The following DAPK2 variants were observed in gnomAD, a reference collection of about 807,000 sequenced individuals.
DAPK2 encodes the protein death associated protein kinase 2.
Under a neutral mutation model 44.1 loss-of-function variants are expected in DAPK2, and 35 were observed. The ratio of observed to expected loss-of-function variants is 0.79; its 90% confidence interval spans 0.61 to 1.05. DAPK2 has a LOEUF of 1.05. Ranked by LOEUF, DAPK2 falls within the 50% of genes least tolerant of loss-of-function variation. The pLI is 0.00. For synonymous variants in DAPK2, 174 were observed against 182.6 expected (o/e 0.95, Z 0.38); for missense variants, 453 against 483.2 (o/e 0.94, Z 0.59).
At chr15:64,045,298 C>T (rs547788612) in intron 1 of DAPK2, among the ~76,000 whole-genome samples, 1 of 152,316 alleles carries the variant, frequency 6.6e-6, no homozygotes, top group Admixed American at 6.5e-5. Context: ...CAAAAAACAT[C>T]TTGGGAGATG....
chr15:64,035,486 T>C (rs886735691), intron 1 of DAPK2, among the ~76,000 whole-genome samples: 2 of 152,184 alleles, frequency 1.3e-5, no homozygotes, highest in Non-Finnish European at 2.9e-5. Flanking sequence ...GTAATGACTT[T>C]GTGTTTTGTG....
chr15:64,024,324 G>A (rs1311486646), intron 1 of DAPK2, among the ~76,000 whole-genome samples: 1 of 152,184 alleles, frequency 6.6e-6, no homozygotes, highest in Non-Finnish European at 1.5e-5. Context: ...TCCTCGAGTT[G>A]CAAGGGCCTA....
At chr15:63,991,306 C>T (rs914295514) in intron 1 of DAPK2, 4 of 456,296 alleles carry the variant, frequency 8.8e-6, no homozygotes, top group African/African-American at 8.0e-5. Flanking sequence ...GCAGCAAAGT[C>T]AGCAGCAGGT....
intron 1 of DAPK2, among the ~76,000 whole-genome samples, chr15:64,003,003 TG>T: frequency 2.7e-5 from 4 of 150,154 alleles, no homozygotes; most frequent in Non-Finnish European, 4.4e-5. Flanking sequence ...TGTGTGTGTG[TG>T]TGTGTGTGTG....
intron 10 of DAPK2, chr15:63,909,353 G>A (rs2078725324): frequency 6.8e-6 from 1 of 147,188 alleles, no homozygotes; most frequent in Non-Finnish European, 1.5e-5. Context: ...TTTTTTTTAA[G>A]GAAAGTCCCT....
In DAPK2 at chr15:63,912,061, C is replaced by A. The variant is rs374641253; in HGVS notation, c.948+47G>T. The A allele has an allele frequency of 1.3e-6, 2 of 1,579,674 alleles. No individual in the cohort carries two copies. Among genetic ancestry groups the A allele is most frequent in the East Asian group, 2.3e-5 (1 of 43,222 alleles). On this transcript the variant is annotated intron_variant, in intron 9 of 10. Transcript: ENST00000261891. This position sits in a 1 kb window ranked among gnomAD's most constrained non-coding sequence, Gnocchi z 4.4. Reference sequence around the variant, plus strand: ...GGAGACCCTGGAGAGCCAGAAACCCCGCCCTAGCCCCCACCCTGTCCCCCG... The same window carrying A: ...GGAGACCCTGGAGAGCCAGAAACCCAGCCCTAGCCCCCACCCTGTCCCCCG...
intron 1 of DAPK2, among the ~76,000 whole-genome samples, chr15:64,035,901 T>C (rs7175390): frequency 0.2 from 30,059 of 152,058 alleles, 3,048 homozygotes; most frequent in South Asian, 0.25. Flanking sequence ...GGGTATCCTG[T>C]TTCCATCCAA....
At chr15:63,946,010 C>A (rs2077440092) in intron 3 of DAPK2, among the ~76,000 whole-genome samples, 1 of 152,222 alleles carries the variant, frequency 6.6e-6, no homozygotes, top group African/African-American at 2.4e-5. Flanking sequence ...TTACTTCAAC[C>A]AAATACTTCA....
intron 3 of DAPK2, among the ~76,000 whole-genome samples, chr15:63,945,523 G>C (rs1020841204): frequency 6.6e-6 from 1 of 152,172 alleles, no homozygotes; most frequent in African/African-American, 2.4e-5. Flanking sequence ...GGCACTAAGG[G>C]AGGGTCCAAA....
chr15:63,924,849 T>C, exon 8 of DAPK2: 1 of 1,614,170 alleles, frequency 6.2e-7, no homozygotes. Context: ...CCTCTTGGAT[T>C]GTGAGCCGTT....
chr15:63,989,733 C>T (rs12148062), intron 1 of DAPK2, among the ~76,000 whole-genome samples: 57,047 of 151,928 alleles, frequency 0.38, 11,485 homozygotes, highest in Non-Finnish European at 0.45. Flanking sequence ...GCTCTGTTGC[C>T]CAGGCTGGAG....
At chr15:63,931,976 C>A (rs192140697) in intron 4 of DAPK2, among the ~76,000 whole-genome samples, 1 of 151,564 alleles carries the variant, frequency 6.6e-6, no homozygotes, top group East Asian at 1.9e-4. Flanking sequence ...ACCAGCTTGG[C>A]CAACATAGCG....
chr15:63,948,681 C>CA (rs969382403), intron 3 of DAPK2, among the ~76,000 whole-genome samples: 1 of 152,218 alleles, frequency 6.6e-6, no homozygotes, highest in African/African-American at 2.4e-5. Flanking sequence ...CTGCTTCTCA[C>CA]ACTCCTCCTG....
chr15:64,036,863 G>C (rs2080225498), intron 1 of DAPK2, among the ~76,000 whole-genome samples: 2 of 152,044 alleles, frequency 1.3e-5, no homozygotes, highest in African/African-American at 2.4e-5. Context: ...AGGCTGCAGA[G>C]GCAGAAGGTG....
intron 1 of DAPK2, among the ~76,000 whole-genome samples, chr15:64,026,404 A>G (rs960097712): frequency 3.3e-5 from 5 of 151,852 alleles, no homozygotes; most frequent in African/African-American, 1.2e-4. Flanking sequence ...CCACCACACC[A>G]GGCTAATTTT....
intron 1 of DAPK2, among the ~76,000 whole-genome samples, chr15:64,034,152 C>T (rs1024694098): frequency 2.0e-5 from 3 of 152,136 alleles, no homozygotes; most frequent in African/African-American, 7.2e-5. Flanking sequence ...ATGAGTAAAT[C>T]GAACACCTAT....
chr15:64,015,504 CAGTCA>C, intron 1 of DAPK2, among the ~76,000 whole-genome samples: 1 of 152,304 alleles, frequency 6.6e-6, no homozygotes, highest in South Asian at 2.1e-4. Flanking sequence ...CAGGGGTGGG[CAGTCA>C]TAGTGGGTTG....
intron 3 of DAPK2, among the ~76,000 whole-genome samples, chr15:63,968,149 C>G (rs2078107785): frequency 6.6e-6 from 1 of 152,218 alleles, no homozygotes; most frequent in Non-Finnish European, 1.5e-5. Context: ...CTCCAGGAGA[C>G]AGAATGTTCC....
At position 63,980,552 on chromosome 15, in the gene DAPK2, G is replaced by A. The variant is rs994065375; in HGVS notation, c.314+2981C>T. Among the ~76,000 whole-genome samples, 1 of 152,202 alleles carries A rather than the reference G, an allele frequency of 6.6e-6. No homozygotes were observed. The highest frequency in any genetic ancestry group is 2.4e-5 in the African/African-American group (1 of 41,456). ...CCCAAAAATGTCAGCCTTTGGCTTA[G>A]TCATCCCATTCCTGGGGATGTTAGC... is the stretch of plus-strand genomic sequence containing the variant. On this transcript the variant is annotated intron_variant, in intron 2 of 10. Transcript: ENST00000261891. The surrounding 1 kb of genome is among the most constrained non-coding windows in gnomAD (Gnocchi z 4.3).
Sources: allele counts gnomAD v4.1 joint callset (sites outside exome capture counted in the v4.1 genomes callset), GRCh38; gene constraint gnomAD v4.1.1; non-coding constraint Gnocchi (gnomAD v3.1); transcripts MANE v1.5; gene names NCBI Gene and HGNC (gene_info 2026-07-23, HGNC 2026-07-21).